The following MAST4 variants were observed in gnomAD, a reference collection of about 807,000 sequenced individuals.
The protein encoded by MAST4 is microtubule-associated serine/threonine-protein kinase 4.
Under a neutral mutation model 162.7 loss-of-function variants are expected in MAST4, and 89 were observed. The observed-to-expected ratio is 0.55, with a 90% confidence interval of 0.46 to 0.65. The LOEUF is 0.65. Ranked by LOEUF, MAST4 falls within the 30% of genes least tolerant of loss-of-function variation. The pLI, the probability that MAST4 is intolerant of heterozygous loss-of-function variation, is 0.00. For missense variants in MAST4, 3,153 were observed against 3,374.0 expected (o/e 0.93, Z 1.62); for synonymous variants, 1,479 against 1,361.1 (o/e 1.09, Z -1.91).
intron 5 of MAST4, among the ~76,000 whole-genome samples, chr5:67,062,073 T>C (rs1005134901): frequency 3.9e-5 from 6 of 152,178 alleles, no homozygotes; most frequent in Non-Finnish European, 8.8e-5. Flanking sequence ...TAGAGATGAA[T>C]GATCTTTAGG....
chr5:67,124,402 C>T (rs1423550216), intron 14 of MAST4, among the ~76,000 whole-genome samples: 3 of 152,178 alleles, frequency 2.0e-5, no homozygotes, highest in African/African-American at 7.2e-5. Flanking sequence ...GCTGTCAGAG[C>T]TCTTCTTGTT....
At chr5:66,755,558 G>A (rs959780990) in intron 1 of MAST4, among the ~76,000 whole-genome samples, 1 of 152,164 alleles carries the variant, frequency 6.6e-6, no homozygotes, top group Admixed American at 6.5e-5. Flanking sequence ...ATTTGCAGAT[G>A]GTCGTGATGG....
chr5:66,682,682 T>A (rs1748408214), intron 1 of MAST4, among the ~76,000 whole-genome samples: 1 of 152,218 alleles, frequency 6.6e-6, no homozygotes, highest in African/African-American at 2.4e-5. Context: ...GGTAGCAATC[T>A]ACTTATCTGA....
chr5:66,763,029 G>T (rs530890099), intron 2 of MAST4, among the ~76,000 whole-genome samples: 4 of 152,264 alleles, frequency 2.6e-5, no homozygotes, highest in African/African-American at 7.2e-5. Context: ...TAACATCTGT[G>T]TGTGTCTATG....
At chr5:66,964,195 T>C in intron 4 of MAST4, 1 of 378,768 alleles carries the variant, frequency 2.6e-6, no homozygotes, top group Admixed American at 3.7e-5. Context: ...TGTATTTAAA[T>C]TGTCTAAAGT....
At chr5:66,931,802 G>T (rs17812781) in intron 4 of MAST4, among the ~76,000 whole-genome samples, 1 of 151,924 alleles carries the variant, frequency 6.6e-6, no homozygotes, top group Non-Finnish European at 1.5e-5. Context: ...TTTCCCCAGC[G>T]CAGGACTATA....
intron 1 of MAST4, among the ~76,000 whole-genome samples, chr5:66,676,299 CACTG>C (rs1368225785): frequency 6.6e-6 from 1 of 152,196 alleles, no homozygotes; most frequent in Non-Finnish European, 1.5e-5. Context: ...CAATACCATA[CACTG>C]ACTGTGCCTT....
At chr5:67,070,646 A>G (rs1471560618) in intron 5 of MAST4, among the ~76,000 whole-genome samples, 3 of 152,236 alleles carry the variant, frequency 2.0e-5, no homozygotes, top group Non-Finnish European at 4.4e-5. Flanking sequence ...TAAAACTGCT[A>G]TAATACTGGA....
chr5:67,049,061 G>A (rs868621938), intron 4 of MAST4, among the ~76,000 whole-genome samples: 924 of 75,788 alleles, frequency 0.012, 25 homozygotes, highest in African/African-American at 0.047. Flanking sequence ...ATATATATAC[G>A]TATATATATA....
intron 3 of MAST4, among the ~76,000 whole-genome samples, chr5:66,835,681 G>T (rs145523450): frequency 6.6e-6 from 1 of 152,128 alleles, no homozygotes; most frequent in Non-Finnish European, 1.5e-5. Context: ...GCACTAGAGC[G>T]TAACTAAATA....
chr5:67,046,826 G>A (rs1209321407), intron 4 of MAST4, among the ~76,000 whole-genome samples: 1 of 152,128 alleles, frequency 6.6e-6, no homozygotes, highest in African/African-American at 2.4e-5. Context: ...GGTGAAAGCA[G>A]TGTAGGCAAC....
At chr5:66,604,790 T>G (rs1742772360) in intron 1 of MAST4, among the ~76,000 whole-genome samples, 1 of 152,216 alleles carries the variant, frequency 6.6e-6, no homozygotes, top group Non-Finnish European at 1.5e-5. Context: ...CAGGCATTTC[T>G]CCATACAGAG....
chr5:66,758,344 T>C (rs1179105348), intron 1 of MAST4, among the ~76,000 whole-genome samples: 2 of 151,764 alleles, frequency 1.3e-5, no homozygotes, highest in African/African-American at 4.8e-5. Flanking sequence ...GGATCAAATT[T>C]CCTTTTGTGT....
At chr5:66,675,714 A>T (rs1428315362) in intron 1 of MAST4, among the ~76,000 whole-genome samples, 2 of 152,164 alleles carry the variant, frequency 1.3e-5, no homozygotes, top group Non-Finnish European at 2.9e-5. Flanking sequence ...GACGAAGAGA[A>T]TTAGGATCCA....
At chr5:66,756,511 A>G (rs1365074204) in intron 1 of MAST4, among the ~76,000 whole-genome samples, 1 of 152,234 alleles carries the variant, frequency 6.6e-6, no homozygotes, top group Non-Finnish European at 1.5e-5. Context: ...TCCTTGTAGT[A>G]TGAAGACTTT....
chr5:67,031,379 G>A (rs1755298456), intron 4 of MAST4, among the ~76,000 whole-genome samples: 1 of 152,114 alleles, frequency 6.6e-6, no homozygotes, highest in African/African-American at 2.4e-5. Context: ...TCTGTCTAGG[G>A]ACTGAGGGCT....
intron 4 of MAST4, among the ~76,000 whole-genome samples, chr5:66,973,544 A>G (rs925932958): frequency 1.4e-4 from 21 of 152,154 alleles, no homozygotes; most frequent in Admixed American, 1.3e-3. Flanking sequence ...GGAAGTCCAA[A>G]AGCTGGTGTC....
chr5:66,959,909 G>A (rs1745801918), intron 4 of MAST4, among the ~76,000 whole-genome samples: 1 of 151,888 alleles, frequency 6.6e-6, no homozygotes, highest in Admixed American at 6.6e-5. Flanking sequence ...GTGATGTGAT[G>A]TAGCTACATG....
In MAST4 at chr5:67,166,483, A is replaced by G. The variant is rs539560876; in HGVS notation, c.7304A>G (p.Asn2435Ser). 4.7e-5 allele frequency: 75 copies of G among 1,604,538 alleles called. No individual in the cohort carries two copies. In the South Asian group the frequency reaches 4.8e-4, roughly 10 times the overall value. The change falls in exon 29 of 29, where the codon AAT becomes AGT. Residue 2435 changes from asparagine (N) to serine (S), a missense_variant. Around this residue, in one of 7 missense-constraint regions of MAST4, gnomAD observed 1,644 missense variants for 1,495.0 expected, o/e 1.10. Coordinates refer to ENST00000403625, the MANE Select transcript of MAST4 (RefSeq NM_001164664.2). ...CCACCGACGGAGGCAGACAAGCCCA[A>G]TGGCATGAAACGGTCCCCCTCAGCC... is the stretch of plus-strand genomic sequence containing the variant. ...QKPPTEADKPNGMKRSPSATG... is the reference protein window; with the variant it reads ...QKPPTEADKPSGMKRSPSATG...
Sources: gnomAD v4.1 joint callset for allele counts (sites outside exome capture counted in the v4.1 genomes callset) on GRCh38, gnomAD v4.1.1 for gene constraint, gnomAD v4.1.1 regional missense constraint, MANE v1.5 for transcripts, NCBI Gene and HGNC (gene_info 2026-07-23, HGNC 2026-07-21) for gene names.